Variants in COL6A5 observed in about 807,000 individuals in gnomAD.
COL6A5 encodes collagen type VI alpha 5 chain.
A neutral mutation model predicts 65.6 loss-of-function variants in COL6A5; 48 were observed. That is an observed-to-expected ratio of 0.73 (90% CI 0.58 to 0.93). The LOEUF (loss-of-function observed/expected upper bound fraction) is 0.93, where lower values mean the gene tolerates loss of function less well. Among genes scored for constraint, COL6A5 ranks in the 40% least tolerant of loss-of-function variants. The pLI is 0.00. For missense variants in COL6A5, 914 were observed against 928.3 expected, an observed-to-expected ratio of 0.98 and a Z score of 0.20; for synonymous variants, 291 against 322.8, an observed-to-expected ratio of 0.90 and a Z score of 1.05.
At chr3:130,403,968 C>T (rs934828542) in intron 13 of COL6A5, among the ~76,000 whole-genome samples, 2 of 152,002 alleles carry the variant, frequency 1.3e-5, no homozygotes, top group Admixed American at 6.6e-5. Context: ...ACACGTGTAG[C>T]CTGGCATGTT....
exon 5 of COL6A5, chr3:130,384,925 T>A: frequency 6.4e-7 from 1 of 1,550,978 alleles, no homozygotes; most frequent in Non-Finnish European, 8.7e-7. Context: ...TGTTTAGCAT[T>A]GGCCCAGACA....
intron 1 of COL6A5, among the ~76,000 whole-genome samples, chr3:130,351,603 T>C (rs1406735504): frequency 1.3e-5 from 2 of 152,190 alleles, no homozygotes; most frequent in Admixed American, 6.5e-5. Flanking sequence ...AAAACCACAA[T>C]GAGATACCAT....
rs1231948163 is a variant in COL6A5 at position 130,405,639 on chromosome 3, C to A, written c.4333C>A (p.Pro1445Thr). ...AGGAGACAAAGGGATTGCAGGATGT[C>A]CAGGGGCGTGGGGTCAGAAGGTAAG... Residue 1445 changes from proline (P) to threonine (T), a missense_variant and NMD_transcript_variant, in exon 14 of 42, where the codon CCA becomes ACA. Coordinates refer to the COL6A5 transcript ENST00000312481. 7 of 1,550,432 alleles carry A rather than the reference C, an allele frequency of 4.5e-6. No homozygotes were observed. The African/African-American group carries it at 9.6e-5, about 21-fold the overall frequency.
chr3:130,365,524 G>A (rs912121944), intron 1 of COL6A5, among the ~76,000 whole-genome samples: 16 of 152,116 alleles, frequency 1.1e-4, no homozygotes, highest in South Asian at 4.1e-4. Context: ...TGATCCGCCC[G>A]CCTCGGCCTC....
At chr3:130,354,469 T>C (rs1406326968) in intron 1 of COL6A5, among the ~76,000 whole-genome samples, 2 of 152,068 alleles carry the variant, frequency 1.3e-5, no homozygotes, top group African/African-American at 4.8e-5. Flanking sequence ...CCCTTCTTAC[T>C]CAAAGTGTTT....
intron 4 of COL6A5, among the ~76,000 whole-genome samples, chr3:130,453,659 G>A (rs1452031509): frequency 6.6e-6 from 1 of 152,154 alleles, no homozygotes; most frequent in East Asian, 1.9e-4. Flanking sequence ...CTGAGTGAAA[G>A]TGGCCCATCT....
chr3:130,440,893 C>T (rs1290393661), intron 3 of COL6A5, 68 bp downstream of exon 35: 2 of 1,172,242 alleles, frequency 1.7e-6, no homozygotes, highest in African/African-American at 1.5e-5. Context: ...GTATTGATAA[C>T]CTATTTTTGT....
intron 1 of COL6A5, among the ~76,000 whole-genome samples, chr3:130,350,639 C>G (rs1934668359): frequency 1.3e-5 from 2 of 152,086 alleles, no homozygotes; most frequent in Non-Finnish European, 2.9e-5. Context: ...AACTATAAAC[C>G]ACTGCTCAAC....
At chr3:130,367,103 T>A (rs1415413436) in intron 1 of COL6A5, among the ~76,000 whole-genome samples, 1 of 152,212 alleles carries the variant, frequency 6.6e-6, no homozygotes, top group Admixed American at 6.5e-5. Flanking sequence ...GTGATGGTTG[T>A]TAGATGTGTT....
At chr3:130,380,406 G>T (rs1418597470) in intron 4 of COL6A5, among the ~76,000 whole-genome samples, 1 of 151,950 alleles carries the variant, frequency 6.6e-6, no homozygotes, top group Admixed American at 6.6e-5. Flanking sequence ...GTTGTCTTTA[G>T]TCTTTTCTGT....
chr3:130,352,471 A>G (rs1054436535), intron 1 of COL6A5, among the ~76,000 whole-genome samples: 5 of 152,164 alleles, frequency 3.3e-5, no homozygotes. Context: ...TTAGAGTAAT[A>G]ATGATCTCTC....
intron 22 of COL6A5, among the ~76,000 whole-genome samples, chr3:130,415,334 T>G (rs1418600576): frequency 6.6e-6 from 1 of 152,140 alleles, no homozygotes; most frequent in Non-Finnish European, 1.5e-5. Context: ...TTTAAAGGAA[T>G]TCATCTGACT....
Position 130,422,892 on chromosome 3 carries a change from G to A in COL6A5, c.5100+110G>A, listed in dbSNP as rs976672210. 3.1e-5 allele frequency: 19 copies of A among 613,874 alleles called. No individual in the cohort carries two copies. In the South Asian group the frequency reaches 3.4e-4, roughly 11 times the overall value. The allele number at this position is 613,874 out of a possible 1,614,324, so 38.0% of individuals were successfully genotyped here. On this transcript the variant is annotated intron_variant and NMD_transcript_variant, in intron 28 of 41. Coordinates refer to the COL6A5 transcript ENST00000312481. ...GATTCAACCCAAGGGCATCTGAAAT[G>A]CCACTTGCTAGCTGTGACCTTCAAC...
chr3:130,429,546 A>C, upstream of COL6A5: 2 of 1,542,646 alleles, frequency 1.3e-6, no homozygotes, highest in Non-Finnish European at 1.7e-6. Context: ...AGAAGGTAAC[A>C]AACTTTTCCC....
intron 7 of COL6A5, among the ~76,000 whole-genome samples, chr3:130,393,352 C>T (rs1936471742): frequency 6.6e-6 from 1 of 152,082 alleles, no homozygotes; most frequent in African/African-American, 2.4e-5. Context: ...TTTCCTGGCC[C>T]AAAACCTGAC....
Position 130,471,932 on chromosome 3 carries a change from C to T in COL6A5, c.2328+965C>T, listed in dbSNP as rs1330789721. On this transcript the variant is annotated intron_variant, in intron 7 of 7. Coordinates refer to ENST00000512836, the Ensembl canonical transcript of COL6A5. ...TAAACAGCAAGAAAAAGAAGGTAAT[C>T]GTGAGTACCATAGAGCTGAAGACCC... 10 of 1,533,874 alleles carry T rather than the reference C, an allele frequency of 6.5e-6. No homozygotes were observed. In the Admixed American group the frequency reaches 1.6e-4, roughly 24 times the overall value.
In COL6A5 at chr3:130,450,370, C is replaced by T. The variant is rs562881573; in HGVS notation, c.1333-5085C>T. On this transcript the variant is annotated intron_variant, in intron 4 of 7. Coordinates refer to ENST00000512836, the Ensembl canonical transcript of COL6A5. ...CAGCATTTGGCCATGTGTGTTGAGC[C>T]GGCTTGGCCGCTTGTAAGTTTTCAA... 8.5e-5 allele frequency among the ~76,000 whole-genome samples: 13 copies of T among 152,210 alleles called. No homozygotes were observed. The South Asian group carries it at 1.7e-3, about 19-fold the overall frequency.
intron 22 of COL6A5, among the ~76,000 whole-genome samples, chr3:130,414,554 T>C (rs1937283349): frequency 6.6e-6 from 1 of 152,164 alleles, no homozygotes; most frequent in Non-Finnish European, 1.5e-5. Flanking sequence ...TATCAGTATT[T>C]CTGAAATATG....
At chr3:130,434,135 T>C (rs914444121) in intron 1 of COL6A5, among the ~76,000 whole-genome samples, 2 of 152,198 alleles carry the variant, frequency 1.3e-5, no homozygotes, top group African/African-American at 4.8e-5. Flanking sequence ...TCCCTCTCAG[T>C]GTCCATGTGA....
Sources: gnomAD v4.1 joint callset for allele counts (sites outside exome capture counted in the v4.1 genomes callset) on GRCh38, gnomAD v4.1.1 for gene constraint, MANE v1.5 for transcripts, NCBI Gene and HGNC (gene_info 2026-07-23, HGNC 2026-07-21) for gene names.